Variants in TELO2 observed in about 807,000 individuals in gnomAD.
The protein encoded by TELO2 is telomere length regulation protein TEL2 homolog.
A neutral mutation model predicts 91.0 loss-of-function variants in TELO2; 71 were observed. The observed-to-expected ratio is 0.78, with a 90% CI of 0.64 to 0.95. The LOEUF (loss-of-function observed/expected upper bound fraction) is 0.95. Among genes scored for constraint, TELO2 ranks in the 40% least tolerant of loss-of-function variants. TELO2 has a pLI of 0.00. For synonymous variants in TELO2, 584 were observed against 518.9 expected (o/e 1.13, Z -1.71); for missense variants, 1,183 against 1,141.3 (o/e 1.04, Z -0.53).
At chr16:1,501,945 C>A in intron 11 of TELO2, 102 bp from the exon 12 acceptor site, 1 of 1,530,200 alleles carries the variant, frequency 6.5e-7, no homozygotes, top group African/African-American at 1.4e-5. Flanking sequence ...GGGGCCGAGG[C>A]GTGAGCTCCG....
chr16:1,494,625 G>A lies in TELO2; in HGVS notation c.335+9G>A, dbSNP rs1211585645. 2 of 1,607,546 alleles carry A rather than the reference G, an allele frequency of 1.2e-6. No individual in the cohort carries two copies. Among genetic ancestry groups the A allele is most frequent in the Non-Finnish European group, 1.7e-6 (2 of 1,176,694 alleles). Reference sequence around the variant, plus strand: ...ATCGAGGGTGCTGCGGGGTGAGTGGGCTGGGCCCATCCTGGGGTTGCCGGT... The same window carrying A: ...ATCGAGGGTGCTGCGGGGTGAGTGGACTGGGCCCATCCTGGGGTTGCCGGT... On this transcript the variant is annotated intron_variant, in intron 2 of 20. Transcript: ENST00000262319. This position sits in a 1 kb window ranked among gnomAD's most constrained non-coding sequence, Gnocchi z 5.6.
At position 1,494,150 on chromosome 16, in the gene TELO2, G is replaced by A; in HGVS notation, c.-36-96G>A. ...GACAGGGTTGGGTGGGACCAGGGTT[G>A]AGGGGTGTGGGGTCTCGGGGCGCTC... is the stretch of plus-strand genomic sequence containing the variant. On this transcript the variant is annotated intron_variant, in intron 1 of 20. Transcript: ENST00000262319. This position sits in a 1 kb window ranked among gnomAD's most constrained non-coding sequence, Gnocchi z 5.6. The A allele has an allele frequency of 1.3e-6, 1 of 793,354 alleles. No homozygotes were observed. The highest frequency in any genetic ancestry group is 2.0e-6 in the Non-Finnish European group (1 of 499,878). The allele number at this position is 793,354 out of a possible 1,614,324, so 49.1% of individuals were successfully genotyped here.
At position 1,502,407 on chromosome 16, in the gene TELO2, G is replaced by A; in HGVS notation, c.1653+3G>A. The stretch of plus-strand genomic sequence containing the variant: ...GGAGCCCCACAGCCACTCGGGAGGT[G>A]AGTGGGGGGCGGGAGTGGGTGGGGA... On this transcript the variant is annotated splice_donor_region_variant and intron_variant, in intron 13 of 20. Coordinates refer to ENST00000262319, the MANE Select transcript of TELO2 (RefSeq NM_016111.4). 2 of 1,591,808 alleles carry A rather than the reference G, an allele frequency of 1.3e-6. No individual in the cohort carries two copies. Among genetic ancestry groups the A allele is most frequent in the Non-Finnish European group, 1.7e-6 (2 of 1,171,152 alleles).
chr16:1,503,233 A>G (rs1227558550), intron 15 of TELO2, among the ~76,000 whole-genome samples: 1 of 152,272 alleles, frequency 6.6e-6, no homozygotes, highest in Admixed American at 6.5e-5. Flanking sequence ...TTCACACGCC[A>G]TAAAATTCAC....
In TELO2 at chr16:1,507,811, G is replaced by GGTGT. The variant is rs143327685; in HGVS notation, c.2407+113_2407+116dup. 7.8e-4 allele frequency: 690 copies of GGTGT among 879,794 alleles called. 25 individuals carry two copies. Among genetic ancestry groups the GGTGT allele is most frequent in the Non-Finnish European group, 9.7e-4 (596 of 614,710 alleles). The allele number at this position is 879,794 out of a possible 1,614,324, so 54.5% of individuals were successfully genotyped here. A position where few individuals can be genotyped will look rare whatever the true frequency, so the allele number is the denominator to read the frequency against. On this transcript the variant is annotated intron_variant, in intron 20 of 20. Transcript: ENST00000262319. The stretch of plus-strand genomic sequence containing the variant: ...GTGTGTGAGAGATGTGTCGGCCCGG[G>GGTGT]GTGTGTGTGTGTGTGTGTGTGATGT...
chr16:1,509,257 C>G (rs903451341), intron 20 of TELO2, among the ~76,000 whole-genome samples: 6 of 152,144 alleles, frequency 3.9e-5, no homozygotes, highest in Non-Finnish European at 5.9e-5. Context: ...CTTTCACAGG[C>G]ACCTCCCACA....
rs2039388961 is a variant in TELO2 at position 1,493,928 on chromosome 16, C to T, written c.-36-318C>T. 6.6e-6 allele frequency among the ~76,000 whole-genome samples: 1 copy of T among 152,236 alleles called. No individual in the cohort carries two copies. Among genetic ancestry groups the T allele is most frequent in the Admixed American group, 6.5e-5 (1 of 15,286 alleles). ...GAGGACGCGTGGGGCCGCGCTGTGC[C>T]CGGGGAACACTCACCAGCATCTCTA... On this transcript the variant is annotated intron_variant, in intron 1 of 20. Coordinates refer to ENST00000262319, the MANE Select transcript of TELO2 (RefSeq NM_016111.4). This position sits in a 1 kb window ranked among gnomAD's most constrained non-coding sequence, Gnocchi z 4.3.
chr16:1,505,750 C>T lies in TELO2; in HGVS notation c.2034+149C>T, dbSNP rs1161237988. The T allele has an allele frequency of 2.7e-6, 3 of 1,122,036 alleles. No individual in the cohort carries two copies. The highest frequency in any genetic ancestry group is 3.2e-5 in the African/African-American group (2 of 63,128). 69.5% of individuals were successfully genotyped at this position (1,122,036 alleles called of 1,614,324 possible). A position where few individuals can be genotyped will look rare whatever the true frequency, so the allele number is the denominator to read the frequency against. On this transcript the variant is annotated intron_variant, in intron 16 of 20. Transcript: ENST00000262319. The surrounding 1 kb of genome is among the most constrained non-coding windows in gnomAD (Gnocchi z 4.3). ...TGCCGGGATTCCTGAAAGGCAGGGT[C>T]CATGGTTTGCACCGAGGAACTGGAT... is the stretch of plus-strand genomic sequence containing the variant.
intron 3 of TELO2, among the ~76,000 whole-genome samples, chr16:1,496,745 G>A (rs554830054): frequency 6.6e-6 from 1 of 152,328 alleles, no homozygotes; most frequent in East Asian, 1.9e-4. Context: ...GGGCCCTATC[G>A]ATGCTTTCTC....
At chr16:1,504,222 C>T (rs992963142) in intron 15 of TELO2, among the ~76,000 whole-genome samples, 1 of 150,940 alleles carries the variant, frequency 6.6e-6, no homozygotes, top group Non-Finnish European at 1.5e-5. Context: ...ATCATGAGGT[C>T]AGGAGTTCAA....
chr16:1,499,447 G>A, intron 6 of TELO2, 114 bp downstream of exon 6: 4 of 1,174,458 alleles, frequency 3.4e-6, no homozygotes, highest in Non-Finnish European at 5.0e-6. Context: ...CTGTGATTTG[G>A]CAGTGGCTGG....
At position 1,497,461 on chromosome 16, in the gene TELO2, C is replaced by A; in HGVS notation, c.783C>A (p.Asp261Glu). 6.4e-7 allele frequency: 1 copy of A among 1,574,304 alleles called. No individual in the cohort carries two copies. The highest frequency in any genetic ancestry group is 1.2e-5 in the South Asian group (1 of 85,968). Residue 261 changes from aspartate to glutamate, a missense_variant, in exon 5 of 21, where the codon GAC (aspartate) becomes GAA (glutamate). By Grantham distance (45) the Asp-to-Glu change is conservative. Transcript: ENST00000262319. The surrounding 1 kb of genome is among the most constrained non-coding windows in gnomAD (Gnocchi z 4.0). ...GGCGCCTGGTGGAGCAAGTGCCGGA[C>A]CGGGCCATGGAGGCTGTGCTGACCG... ...VCWRLVEQVPDRAMEAVLTGL... is the reference protein window; with the variant it reads ...VCWRLVEQVPERAMEAVLTGL...
intron 19 of TELO2, 99 bp downstream of exon 19, chr16:1,507,469 C>T (rs1326242003): frequency 3.3e-6 from 5 of 1,524,420 alleles, no homozygotes; most frequent in Non-Finnish European, 4.4e-6. Flanking sequence ...TGACAGGCAG[C>T]CTGGCCTGGT....
rs917866480 is a variant in TELO2 at position 1,505,184 on chromosome 16, G to A, written c.1843-226G>A. ...TGAGGCTGCGCTCGGCCCTGGGCGT[G>A]TTCTCATCTCCTGGAGCACGGTGCC... On this transcript the variant is annotated intron_variant, in intron 15 of 20. Coordinates refer to ENST00000262319, the MANE Select transcript of TELO2 (RefSeq NM_016111.4). This position sits in a 1 kb window ranked among gnomAD's most constrained non-coding sequence, Gnocchi z 4.3. 3 of 566,544 alleles carry A rather than the reference G, an allele frequency of 5.3e-6. No homozygotes were observed. The Admixed American group carries it at 9.2e-5, about 17-fold the overall frequency. The allele number at this position is 566,544 out of a possible 1,614,324, so 35.1% of individuals were successfully genotyped here.
At position 1,509,991 on chromosome 16, in the gene TELO2, C is replaced by T. The variant is rs2040076171; in HGVS notation, c.*55C>T. On this transcript the variant is annotated 3_prime_UTR_variant, in exon 21 of 21. Coordinates refer to ENST00000262319, the MANE Select transcript of TELO2 (RefSeq NM_016111.4). Reference sequence around the variant, plus strand: ...GCCGACAGCAAGGCAGGCGGCTGAGCAGCGGCCTGGAGCAGCAGAGCCAGG... The same window carrying T: ...GCCGACAGCAAGGCAGGCGGCTGAGTAGCGGCCTGGAGCAGCAGAGCCAGG... 1.4e-6 allele frequency: 2 copies of T among 1,478,216 alleles called. No homozygotes were observed. The highest frequency in any genetic ancestry group is 1.4e-5 in the African/African-American group (1 of 71,600). 91.6% of individuals were successfully genotyped at this position (1,478,216 alleles called of 1,614,324 possible). A position where few individuals can be genotyped will look rare whatever the true frequency, so the allele number is the denominator to read the frequency against.
At chr16:1,504,108 G>A (rs1198839938) in intron 15 of TELO2, among the ~76,000 whole-genome samples, 4 of 126,254 alleles carry the variant, frequency 3.2e-5, no homozygotes, top group African/African-American at 9.4e-5. Context: ...CTGGGCAATA[G>A]AGCAAGACTC....
At chr16:1,502,521 C>G in intron 13 of TELO2, 117 bp downstream of exon 13, 1 of 1,503,460 alleles carries the variant, frequency 6.7e-7, no homozygotes, top group Non-Finnish European at 9.0e-7. Flanking sequence ...GCTGCTGCCT[C>G]TCCCGGGGGG....
chr16:1,500,593 A>G lies in TELO2; in HGVS notation c.1175A>G (p.Lys392Arg), dbSNP rs1400537680. The G allele has an allele frequency of 6.2e-7, 1 of 1,612,068 alleles. No individual in the cohort carries two copies. The highest frequency in any genetic ancestry group is 8.5e-7 in the Non-Finnish European group (1 of 1,179,678). Residue 392 changes from lysine (K) to arginine (R), a missense_variant, in exon 9 of 21, where the codon AAG (lysine) becomes AGG (arginine). Transcript: ENST00000262319. ...CTGGCCAGCATGATGGCGGGCGTGA[A>G]GTGCCGCCTGGACAGTAGCCTGCCC... ...ELLASMMAGV[K>R]CRLDSSLPPV...
Position 1,500,375 on chromosome 16 carries a change from G to T in TELO2, c.1031G>T (p.Gly344Val). The T allele has an allele frequency of 6.3e-7, 1 of 1,596,240 alleles. No homozygotes were observed. Residue 344 changes from glycine (G) to valine (V), a missense_variant, in exon 8 of 21, where the codon GGC (glycine) becomes GTC (valine). Coordinates refer to ENST00000262319, the MANE Select transcript of TELO2 (RefSeq NM_016111.4). ...CTGAAGGAGCTGTTGGAGACGTGGG[G>T]CAGCAGCAGTGCCATCCGCCACACT... is the stretch of plus-strand genomic sequence containing the variant. ...QVLKELLETW[G>V]SSSAIRHTPL... is the part of the protein sequence containing the mutation.
Sources: gnomAD v4.1 joint callset for allele counts (sites outside exome capture counted in the v4.1 genomes callset) on GRCh38, gnomAD v4.1.1 for gene constraint, Gnocchi (gnomAD v3.1) non-coding constraint, MANE v1.5 for transcripts, NCBI Gene and HGNC (gene_info 2026-07-23, HGNC 2026-07-21) for gene names.